EFNA4: variants seen among roughly 807,000 people sequenced by gnomAD.
EFNA4 encodes the protein ephrin A4, also known as ephrin-A4.
EFNA4 carries 22 observed loss-of-function variants against 23.7 expected under a neutral mutation model. The ratio of observed to expected loss-of-function variants is 0.93; its 90% CI spans 0.66 to 1.32. EFNA4 has a LOEUF of 1.32. Among genes scored for constraint, EFNA4 ranks in the 40% most tolerant of loss-of-function variants. EFNA4 has a pLI of 0.00. For missense variants in EFNA4, 252 were observed against 252.3 expected, an observed-to-expected ratio of 1.00 and a Z score of 0.01; for synonymous variants, 113 against 108.3, an observed-to-expected ratio of 1.04 and a Z score of -0.27.
Position 155,069,238 on chromosome 1 carries a change from G to C in EFNA4, c.*249G>C. The C allele has an allele frequency of 6.6e-7, 1 of 1,511,382 alleles. No individual in the cohort carries two copies. Among genetic ancestry groups the C allele is most frequent in the Non-Finnish European group, 8.8e-7 (1 of 1,136,368 alleles). 93.6% of individuals were successfully genotyped at this position (1,511,382 alleles called of 1,614,324 possible). A position where few individuals can be genotyped will look rare whatever the true frequency, so the allele number is the denominator to read the frequency against. On this transcript the variant is annotated 3_prime_UTR_variant, in exon 4 of 4. Transcript: ENST00000368409. ...GCAAGACAAACACAGGCGCTTTGCAGGCTGCTCTGAGGGTCTCAGCCCATC... is the reference window on the plus strand; with the variant it reads ...GCAAGACAAACACAGGCGCTTTGCACGCTGCTCTGAGGGTCTCAGCCCATC...
intron 2 of EFNA4, 85 bp from the exon 3 acceptor site, chr1:155,067,287 A>C (rs1452095886): frequency 6.6e-7 from 1 of 1,521,028 alleles, no homozygotes; most frequent in African/African-American, 1.4e-5. Flanking sequence ...TGGAGAGAAG[A>C]AAACCTGGGA....
intron 3 of EFNA4, among the ~76,000 whole-genome samples, chr1:155,068,461 T>C (rs887458122): frequency 2.1e-4 from 28 of 135,596 alleles, no homozygotes; most frequent in Non-Finnish European, 2.8e-4. Flanking sequence ...TTTTTTTTTT[T>C]AGTAGAGACA....
intron 1 of EFNA4, among the ~76,000 whole-genome samples, chr1:155,066,016 G>A (rs550850342): frequency 1.1e-4 from 17 of 151,862 alleles, no homozygotes; most frequent in Non-Finnish European, 1.9e-4. Flanking sequence ...GATTACAAGC[G>A]TGAGCCACCG....
chr1:155,065,700 C>CTTTA lies in EFNA4; in HGVS notation c.114-986_114-983dup, dbSNP rs149262026. On this transcript the variant is annotated intron_variant, in intron 1 of 3. Transcript: ENST00000368409. The stretch of plus-strand genomic sequence containing the variant: ...ACAGGAGTGCACCACCACTCATGGC[C>CTTTA]TTTATTTATTTATTTATTTATTTAT... 5.3e-3 allele frequency among the ~76,000 whole-genome samples: 660 copies of CTTTA among 123,866 alleles called. 5 individuals carry two copies. The highest frequency in any genetic ancestry group is 5.9e-3 in the African/African-American group (186 of 31,606). 81.3% of individuals were successfully genotyped at this position (123,866 alleles called of 152,430 possible). A position where few individuals can be genotyped will look rare whatever the true frequency, so the allele number is the denominator to read the frequency against.
rs573022435 is a variant in EFNA4, at chr1:155,068,848, C to G, written c.470-5C>G. 8 of 1,609,892 alleles carry G rather than the reference C, an allele frequency of 5.0e-6. No individual in the cohort carries two copies. The highest frequency in any genetic ancestry group is 3.4e-5 in the Admixed American group (2 of 59,616). On this transcript the variant is annotated splice_polypyrimidine_tract_variant and splice_region_variant and intron_variant, in intron 3 of 3. Transcript: ENST00000368409. ...CTGATCAGTGCTACCCCCTCCCCCT[C>G]ACAGAGTCTGAGTCAGCCCATCCTG...
chr1:155,066,684 C>A, intron 1 of EFNA4, 46 bp from the exon 2 acceptor site: 1 of 1,521,550 alleles, frequency 6.6e-7, no homozygotes, highest in Non-Finnish European at 8.8e-7. Context: ...ATGGCCATGG[C>A]GTGGTGCCCT....
intron 1 of EFNA4, among the ~76,000 whole-genome samples, chr1:155,065,257 T>A (rs1220440979): frequency 6.6e-6 from 1 of 152,184 alleles, no homozygotes; most frequent in Non-Finnish European, 1.5e-5. Context: ...CTGATACAGG[T>A]CGTCCTTGGA....
chr1:155,066,470 T>C (rs1663048203), intron 1 of EFNA4, among the ~76,000 whole-genome samples: 1 of 152,226 alleles, frequency 6.6e-6, no homozygotes, highest in Admixed American at 6.5e-5. Context: ...ACCCTCCTTC[T>C]CACATCTAAG....
chr1:155,067,073 G>T (rs561089005), intron 2 of EFNA4, 57 bp downstream of exon 2: 4 of 1,542,438 alleles, frequency 2.6e-6, no homozygotes, highest in South Asian at 2.5e-5. Context: ...TAGGGAGGGG[G>T]AAGGAGAGGC....
At position 155,063,948 on chromosome 1, in the gene EFNA4, G is replaced by A. The variant is rs887566089; in HGVS notation, c.113+12G>A. On this transcript the variant is annotated intron_variant, in intron 1 of 3. Coordinates refer to ENST00000368409, the MANE Select transcript of EFNA4 (RefSeq NM_005227.3). This position sits in a 1 kb window ranked among gnomAD's most constrained non-coding sequence, Gnocchi z 4.1. ...TCCAGTAACCCCAGGTAGCCGGGCCGAACCGGGCGAGCGCACAGCCAAGTC... is the reference window on the plus strand; with the variant it reads ...TCCAGTAACCCCAGGTAGCCGGGCCAAACCGGGCGAGCGCACAGCCAAGTC... 3 of 1,535,840 alleles carry A rather than the reference G, an allele frequency of 2.0e-6. No homozygotes were observed. Among genetic ancestry groups the A allele is most frequent in the African/African-American group, 2.8e-5 (2 of 70,658 alleles).
At position 155,069,435 on chromosome 1, in the gene EFNA4, C is replaced by G. The variant is rs775819390; in HGVS notation, c.*446C>G. On this transcript the variant is annotated 3_prime_UTR_variant, in exon 4 of 4. Transcript: ENST00000368409. Reference sequence around the variant, plus strand: ...ACCTTGCCCTCCCCAGGGGATCACTCACTTGTCTTCTATGAAGACGGACTC... The same window carrying G: ...ACCTTGCCCTCCCCAGGGGATCACTGACTTGTCTTCTATGAAGACGGACTC... 1.1e-5 allele frequency: 5 copies of G among 461,552 alleles called. No individual in the cohort carries two copies. The highest frequency in any genetic ancestry group is 1.9e-5 in the Non-Finnish European group (5 of 263,194). The allele number at this position is 461,552 out of a possible 1,614,324, so 28.6% of individuals were successfully genotyped here. A position where few individuals can be genotyped will look rare whatever the true frequency, so the allele number is the denominator to read the frequency against.
chr1:155,068,091 C>T (rs1663093925), intron 3 of EFNA4, among the ~76,000 whole-genome samples: 1 of 152,006 alleles, frequency 6.6e-6, no homozygotes, highest in African/African-American at 2.4e-5. Flanking sequence ...TCACAACTGG[C>T]TAAATTACTT....
Position 155,066,721 on chromosome 1 carries a change from T to C in EFNA4, c.114-9T>C, listed in dbSNP as rs768839301. ...CACTCCTCAGCCCACCCCTGCGTTA[T>C]GCCTGCAGGTTGCTTCGAGGAGACG... is the stretch of plus-strand genomic sequence containing the variant. On this transcript the variant is annotated splice_polypyrimidine_tract_variant and intron_variant, in intron 1 of 3. Coordinates refer to ENST00000368409, the MANE Select transcript of EFNA4 (RefSeq NM_005227.3). 6.3e-7 allele frequency: 1 copy of C among 1,576,616 alleles called. No homozygotes were observed. Among genetic ancestry groups the C allele is most frequent in the South Asian group, 1.2e-5 (1 of 85,020 alleles).
chr1:155,067,024 G>A lies in EFNA4; in HGVS notation c.400+8G>A. ...AGACTTACTACTACATCTGTGAGTG[G>A]CCAAGGGCACACTGGACACCTCTTG... On this transcript the variant is annotated splice_region_variant and intron_variant, in intron 2 of 3. Coordinates refer to ENST00000368409, the MANE Select transcript of EFNA4 (RefSeq NM_005227.3). 6.3e-7 allele frequency: 1 copy of A among 1,596,338 alleles called. No individual in the cohort carries two copies. The highest frequency in any genetic ancestry group is 1.1e-5 in the South Asian group (1 of 88,688).
intron 1 of EFNA4, among the ~76,000 whole-genome samples, chr1:155,065,801 C>T (rs899579666): frequency 4.6e-5 from 7 of 151,414 alleles, no homozygotes; most frequent in Non-Finnish European, 7.4e-5. Context: ...GGCGCAATCT[C>T]GGCTCACTGC....
chr1:155,067,328 G>C (rs1032231559), intron 2 of EFNA4, 44 bp from the exon 3 acceptor site: 2 of 1,606,982 alleles, frequency 1.2e-6, no homozygotes, highest in Non-Finnish European at 8.5e-7. Context: ...CATACAAAGG[G>C]GTGACTCCCT....
chr1:155,069,218 A>G lies in EFNA4; in HGVS notation c.*229A>G. ...CTGGACACTCTGAAGCAGAGGCAAG[A>G]CAAACACAGGCGCTTTGCAGGCTGC... On this transcript the variant is annotated 3_prime_UTR_variant, in exon 4 of 4. Transcript: ENST00000368409. The G allele has an allele frequency of 1.3e-6, 2 of 1,553,366 alleles. No individual in the cohort carries two copies. The highest frequency in any genetic ancestry group is 2.3e-5 in the Admixed American group (1 of 42,664).
intron 1 of EFNA4, among the ~76,000 whole-genome samples, chr1:155,064,410 C>T (rs1662937493): frequency 6.6e-6 from 1 of 152,232 alleles, no homozygotes; most frequent in African/African-American, 2.4e-5. Flanking sequence ...GCTTTCATCT[C>T]TGTCTTTATT....
At chr1:155,064,098 G>A (rs1032825101) in intron 1 of EFNA4, among the ~76,000 whole-genome samples, 162 bp downstream of exon 1, 1 of 152,210 alleles carries the variant, frequency 6.6e-6, no homozygotes, top group African/African-American at 2.4e-5. Flanking sequence ...GAGGGGCGAG[G>A]CGCGCCCTGG....
Sources: gnomAD v4.1 joint callset for allele counts (sites outside exome capture counted in the v4.1 genomes callset) on GRCh38, gnomAD v4.1.1 for gene constraint, Gnocchi (gnomAD v3.1) non-coding constraint, MANE v1.5 for transcripts, NCBI Gene and HGNC (gene_info 2026-07-23, HGNC 2026-07-21) for gene names.